ADGRG2: variants seen among roughly 807,000 people sequenced by gnomAD.
ADGRG2 encodes adhesion G protein-coupled receptor G2.
A neutral mutation model predicts 74.1 loss-of-function variants in ADGRG2; 26 were observed. The observed-to-expected ratio is 0.35, with a 90% CI of 0.26 to 0.49. The LOEUF (loss-of-function observed/expected upper bound fraction) is 0.49. Ranked by LOEUF, ADGRG2 falls within the 20% of genes least tolerant of loss-of-function variation. ADGRG2 has a pLI of 0.99. For missense variants in ADGRG2, 619 were observed against 763.1 expected (o/e 0.81, Z 2.22); for synonymous variants, 296 against 295.2 (o/e 1.00, Z -0.03).
Position 19,040,206 on chromosome X carries a change from C to A in ADGRG2, c.137G>T (p.Ser46Ile). 1 of 1,157,438 alleles carries A rather than the reference C, an allele frequency of 8.6e-7. No homozygotes were observed. Among genetic ancestry groups the A allele is most frequent in the East Asian group, 3.0e-5 (1 of 33,344 alleles). Residue 46 changes from serine to isoleucine, a missense_variant, in exon 4 of 29, where the codon AGT (serine) becomes ATT (isoleucine). Ser to Ile is a moderately radical substitution (Grantham distance 142). Around this residue, in one of 3 missense-constraint regions of ADGRG2, gnomAD observed 292 missense variants for 318.0 expected, o/e 0.92. Transcript: ENST00000379869. ...CAACTTACCAGGTGGTGGTGACAAA[C>A]TGGAATTATCAGTATCTTCTGTTGA... The part of the protein sequence containing the change: ...TSLEEDTDNS[S>I]LSPPPAKLSV...
At chrX:18,998,170 C>T in intron 26 of ADGRG2, among the ~76,000 whole-genome samples, 1 of 111,950 alleles carries the variant, frequency 8.9e-6, no homozygotes. Flanking sequence ...TGGGATTAGC[C>T]TTCAAGTAAG....
In ADGRG2 at chrX:19,009,492, C is replaced by T. The variant is rs2060306980; in HGVS notation, c.1422+134G>A. 31 of 588,876 alleles carry T rather than the reference C, an allele frequency of 5.3e-5. No homozygotes were observed. In the South Asian group the frequency reaches 8.0e-4, roughly 15 times the overall value. The allele number at this position is 588,876 out of a possible 1,213,427, so 48.5% of individuals were successfully genotyped here. ...GGCACCCGGCTTGATTCTATGGTGCCTCACTGTTCTAGATGCCAAATATTT... is the reference window on the plus strand; with the variant it reads ...GGCACCCGGCTTGATTCTATGGTGCTTCACTGTTCTAGATGCCAAATATTT... On this transcript the variant is annotated intron_variant, in intron 18 of 28. Transcript: ENST00000379869.
intron 1 of ADGRG2, among the ~76,000 whole-genome samples, 194 bp downstream of exon 1, chrX:19,122,248 G>C (rs2062621864): frequency 8.9e-6 from 1 of 112,497 alleles, no homozygotes; most frequent in Admixed American, 9.3e-5. Flanking sequence ...CTACGCCTCC[G>C]CCTTTCAGGA....
intron 1 of ADGRG2, among the ~76,000 whole-genome samples, chrX:19,086,135 C>T (rs1389037123): frequency 8.9e-6 from 1 of 111,957 alleles, no homozygotes; most frequent in Non-Finnish European, 1.9e-5. Context: ...GTGGCCACCA[C>T]ACACCCACCA....
intron 13 of ADGRG2, among the ~76,000 whole-genome samples, chrX:19,022,925 G>A (rs1384708407): frequency 8.9e-6 from 1 of 112,245 alleles, no homozygotes; most frequent in Non-Finnish European, 1.9e-5. Flanking sequence ...TCCAACCCCT[G>A]ACTTCAAGTG....
At chrX:19,096,353 A>G (rs139319708) in intron 1 of ADGRG2, among the ~76,000 whole-genome samples, 1,744 of 107,027 alleles carry the variant, frequency 0.016, 39 homozygotes, top group African/African-American at 0.055. Flanking sequence ...TGGAGGCTGC[A>G]GTGAGCCAAG....
intron 4 of ADGRG2, among the ~76,000 whole-genome samples, chrX:19,039,522 A>G (rs1232903458): frequency 4.4e-5 from 5 of 112,495 alleles, no homozygotes; most frequent in African/African-American, 1.6e-4. Flanking sequence ...ATACAGAAGT[A>G]GGAGTCAGAG....
intron 16 of ADGRG2, 38 bp from the exon 17 acceptor site, chrX:19,010,816 TG>T: frequency 9.5e-7 from 1 of 1,051,807 alleles, no homozygotes; most frequent in Non-Finnish European, 1.3e-6. Context: ...GAACACACAA[TG>T]GAAAACCCAC....
intron 21 of ADGRG2, 53 bp from the exon 22 acceptor site, chrX:19,006,158 G>A (rs939251935): frequency 2.1e-5 from 23 of 1,098,246 alleles, no homozygotes; most frequent in East Asian, 3.0e-5. Flanking sequence ...CAGCACCAGT[G>A]ACTTCACACC....
At chrX:19,003,576 G>T (rs756190729) in intron 23 of ADGRG2, among the ~76,000 whole-genome samples, 5 of 110,853 alleles carry the variant, frequency 4.5e-5, no homozygotes, top group Admixed American at 9.6e-5. Context: ...ATATGGGGTG[G>T]GGGGGAGCTT....
intron 16 of ADGRG2, among the ~76,000 whole-genome samples, chrX:19,013,097 C>G (rs900753042): frequency 9.0e-6 from 1 of 111,187 alleles, no homozygotes; most frequent in Non-Finnish European, 1.9e-5. Flanking sequence ...CGGACCCAAG[C>G]CTGGGTCTTC....
chrX:19,061,241 G>A (rs370342854), intron 3 of ADGRG2, among the ~76,000 whole-genome samples: 1 of 111,721 alleles, frequency 9.0e-6, no homozygotes, highest in East Asian at 2.8e-4. Context: ...GTAAGCTGAG[G>A]GGGGGCCCAC....
In ADGRG2 at chrX:18,990,772, G is replaced by C. The variant is rs1300760305; in HGVS notation, c.*92C>G. 1 of 596,585 alleles carries C rather than the reference G, an allele frequency of 1.7e-6. No individual in the cohort carries two copies. Among genetic ancestry groups the C allele is most frequent in the Non-Finnish European group, 2.5e-6 (1 of 393,912 alleles). The allele number at this position is 596,585 out of a possible 1,213,427, so 49.2% of individuals were successfully genotyped here. A position where few individuals can be genotyped will look rare whatever the true frequency, so the allele number is the denominator to read the frequency against. On this transcript the variant is annotated 3_prime_UTR_variant, in exon 29 of 29. Coordinates refer to ENST00000379869, the MANE Select transcript of ADGRG2 (RefSeq NM_001079858.3). ...CTCCAGATGTTGCCGAGAATAAAAT[G>C]AGTTGATTTTCATACATCTCACATT...
chrX:19,067,346 C>T (rs1254263230), intron 3 of ADGRG2, among the ~76,000 whole-genome samples: 2 of 112,305 alleles, frequency 1.8e-5, no homozygotes, highest in Non-Finnish European at 3.8e-5. Context: ...AGACACCCTC[C>T]ACTGGTATAA....
At chrX:19,117,033 C>T (rs1373266495) in intron 1 of ADGRG2, among the ~76,000 whole-genome samples, 2 of 111,728 alleles carry the variant, frequency 1.8e-5, no homozygotes, top group Non-Finnish European at 3.8e-5. Flanking sequence ...GGCTCACGCC[C>T]GTAATCCCAA....
intron 1 of ADGRG2, among the ~76,000 whole-genome samples, chrX:19,113,465 C>T (rs1321535699): frequency 1.8e-5 from 2 of 112,022 alleles, no homozygotes; most frequent in Non-Finnish European, 3.8e-5. Context: ...GGAATACAAA[C>T]GGCAGATTAG....
intron 3 of ADGRG2, 44 bp downstream of exon 3, chrX:19,068,673 A>C: frequency 1.8e-6 from 1 of 564,463 alleles, no homozygotes; most frequent in Non-Finnish European, 2.9e-6. Flanking sequence ...ACACACATGC[A>C]GATAAACAGA....
chrX:19,119,676 G>A (rs1055576490), intron 1 of ADGRG2, among the ~76,000 whole-genome samples: 1 of 111,724 alleles, frequency 9.0e-6, no homozygotes, highest in African/African-American at 3.3e-5. Flanking sequence ...CATCTGAGCC[G>A]TCAAAGCACC....
chrX:19,088,555 C>T (rs1434211073), intron 1 of ADGRG2, among the ~76,000 whole-genome samples: 4 of 111,134 alleles, frequency 3.6e-5, no homozygotes, highest in Non-Finnish European at 5.7e-5. Flanking sequence ...AGTGCAGTGG[C>T]GCAATTACTG....
Sources: allele counts gnomAD v4.1 joint callset (sites outside exome capture counted in the v4.1 genomes callset), GRCh38; gene constraint gnomAD v4.1.1; regional missense constraint gnomAD v4.1.1; transcripts MANE v1.5; gene names NCBI Gene and HGNC (gene_info 2026-07-23, HGNC 2026-07-21).